The following CSMD1 variants were observed in gnomAD, a reference collection of about 807,000 sequenced individuals.
CSMD1 encodes CUB and sushi domain-containing protein 1.
Under a neutral mutation model 417.5 loss-of-function variants are expected in CSMD1, and 213 were observed. The ratio of observed to expected loss-of-function variants is 0.51; its 90% CI spans 0.46 to 0.57. CSMD1 has a LOEUF of 0.57. CSMD1 is among the 20% of genes least tolerant of loss of function. CSMD1 has a pLI of 0.00. For missense variants in CSMD1, 6,923 were observed against 4,529.7 expected (o/e 1.53, Z -15.17); for synonymous variants, 2,862 against 1,736.8 (o/e 1.65, Z -16.11).
At chr8:3,585,190 G>C (rs1046584696) in intron 9 of CSMD1, among the ~76,000 whole-genome samples, 2 of 152,178 alleles carry the variant, frequency 1.3e-5, no homozygotes, top group Admixed American at 6.5e-5. Context: ...TCTTAGCTTA[G>C]AGGACGATAG....
intron 10 of CSMD1, among the ~76,000 whole-genome samples, chr8:3,528,411 G>A (rs1797841967): frequency 6.6e-6 from 1 of 152,170 alleles, no homozygotes; most frequent in African/African-American, 2.4e-5. Flanking sequence ...GTGGGGGAAG[G>A]AGGATGGCTC....
At position 3,783,596 on chromosome 8, in the gene CSMD1, C is replaced by T. The variant is rs566018854; in HGVS notation, c.819-29554G>A. ...CAGGTGAGAGAGTTGGACACAGTAGCAAAGGCCTGAGAGGAAGCCCTGGAT... is the reference window on the plus strand; with the variant it reads ...CAGGTGAGAGAGTTGGACACAGTAGTAAAGGCCTGAGAGGAAGCCCTGGAT... On this transcript the variant is annotated intron_variant, in intron 5 of 69. Transcript: ENST00000635120. 2.0e-4 allele frequency among the ~76,000 whole-genome samples: 30 copies of T among 152,320 alleles called. No individual in the cohort carries two copies. In the South Asian group the frequency reaches 6.0e-3, roughly 31 times the overall value.
At chr8:3,366,397 CA>C (rs1809569155) in intron 20 of CSMD1, among the ~76,000 whole-genome samples, 1 of 152,130 alleles carries the variant, frequency 6.6e-6, no homozygotes, top group African/African-American at 2.4e-5. Context: ...AAAAAATTAG[CA>C]TCTCTGTCAT....
At chr8:3,114,770 G>T (rs1319298005) in intron 42 of CSMD1, among the ~76,000 whole-genome samples, 9 of 152,040 alleles carry the variant, frequency 5.9e-5, no homozygotes, top group Admixed American at 5.2e-4. Flanking sequence ...CAATCAGCTT[G>T]GTAAACCTTA....
At chr8:3,065,303 G>GGTAGA (rs1554503062) in intron 49 of CSMD1, among the ~76,000 whole-genome samples, 13 of 149,278 alleles carry the variant, frequency 8.7e-5, no homozygotes, top group Non-Finnish European at 1.2e-4. Context: ...AGATAGATAG[G>GGTAGA]TAGATAGATA....
rs527868962 is a variant in CSMD1, at chr8:4,320,795, G to C, written c.415+99158C>G. ...GGATTGGTGATTCCTCAAGGATCTA[G>C]AACTAGACCTACCATTTGACCCAAC... On this transcript the variant is annotated intron_variant, in intron 3 of 69. Coordinates refer to ENST00000635120, the MANE Select transcript of CSMD1 (RefSeq NM_033225.6). Among the ~76,000 whole-genome samples, 9 of 152,184 alleles carry C rather than the reference G, an allele frequency of 5.9e-5. No homozygotes were observed. The South Asian group carries it at 6.2e-4, about 11-fold the overall frequency.
intron 1 of CSMD1, among the ~76,000 whole-genome samples, chr8:4,882,390 T>C (rs185234414): frequency 1.3e-5 from 2 of 151,718 alleles, no homozygotes; most frequent in Non-Finnish European, 2.9e-5. Flanking sequence ...TGAAGAGTAT[T>C]GGGGAGCGAG....
At chr8:3,999,255 C>T (rs1188134153) in intron 4 of CSMD1, among the ~76,000 whole-genome samples, 1 of 151,862 alleles carries the variant, frequency 6.6e-6, no homozygotes, top group African/African-American at 2.4e-5. Context: ...ATGTAAAAGT[C>T]AGCCTGTTAC....
At chr8:4,190,900 A>T (rs574328239) in intron 3 of CSMD1, among the ~76,000 whole-genome samples, 1 of 151,514 alleles carries the variant, frequency 6.6e-6, no homozygotes, top group Non-Finnish European at 1.5e-5. Context: ...CTAAATTGTG[A>T]GAACACATGG....
intron 2 of CSMD1, among the ~76,000 whole-genome samples, chr8:4,541,496 C>G (rs1039906361): frequency 6.6e-6 from 1 of 152,050 alleles, no homozygotes; most frequent in South Asian, 2.1e-4. Flanking sequence ...ACCTGTAATC[C>G]CCACACTTTG....
At chr8:3,265,837 G>T (rs1025712000) in intron 26 of CSMD1, among the ~76,000 whole-genome samples, 7 of 152,042 alleles carry the variant, frequency 4.6e-5, no homozygotes, top group Non-Finnish European at 8.8e-5. Flanking sequence ...TGGAGACCTG[G>T]GTGATGCAGT....
intron 4 of CSMD1, among the ~76,000 whole-genome samples, chr8:4,001,820 G>C (rs1221516456): frequency 6.6e-6 from 1 of 152,026 alleles, no homozygotes; most frequent in Non-Finnish European, 1.5e-5. Context: ...TGTTGGGAAA[G>C]GAGTAGATGA....
intron 51 of CSMD1, among the ~76,000 whole-genome samples, chr8:3,021,110 T>C (rs592319): frequency 0.17 from 26,333 of 152,144 alleles, 2,437 homozygotes; most frequent in East Asian, 0.26. Context: ...CGAATTCTTC[T>C]TGGAGGTTTC....
At chr8:4,308,014 T>C (rs1201171475) in intron 3 of CSMD1, among the ~76,000 whole-genome samples, 1 of 152,136 alleles carries the variant, frequency 6.6e-6, no homozygotes, top group African/African-American at 2.4e-5. Context: ...ACAGTGATGG[T>C]GGGCATACTA....
chr8:3,954,968 C>G (rs1585028025), intron 5 of CSMD1, among the ~76,000 whole-genome samples: 2 of 152,182 alleles, frequency 1.3e-5, no homozygotes, highest in African/African-American at 4.8e-5. Flanking sequence ...GGTCTGCATT[C>G]AGTTAACATT....
intron 5 of CSMD1, among the ~76,000 whole-genome samples, chr8:3,767,884 T>G (rs149842579): frequency 2.0e-5 from 3 of 152,296 alleles, no homozygotes; most frequent in Admixed American, 2.0e-4. Context: ...TTATATATCA[T>G]GGTAAAAAGT....
chr8:4,238,731 C>T (rs1363382045), intron 3 of CSMD1, among the ~76,000 whole-genome samples: 2 of 152,182 alleles, frequency 1.3e-5, no homozygotes, highest in Non-Finnish European at 2.9e-5. Context: ...TTATCCTTCT[C>T]TTGCTTCCAA....
At chr8:3,670,096 G>T (rs979049317) in intron 7 of CSMD1, among the ~76,000 whole-genome samples, 1 of 152,076 alleles carries the variant, frequency 6.6e-6, no homozygotes, top group Non-Finnish European at 1.5e-5. Context: ...TGGATTAAAG[G>T]ATGCAAAGTG....
chr8:3,763,184 C>G (rs1016803791), intron 5 of CSMD1, among the ~76,000 whole-genome samples: 7 of 152,272 alleles, frequency 4.6e-5, no homozygotes, highest in African/African-American at 1.4e-4. Flanking sequence ...GAGCCCTAGG[C>G]CAGTCCCACA....
Sources: gnomAD v4.1 joint callset for allele counts (sites outside exome capture counted in the v4.1 genomes callset) on GRCh38, gnomAD v4.1.1 for gene constraint, MANE v1.5 for transcripts, NCBI Gene and HGNC (gene_info 2026-07-23, HGNC 2026-07-21) for gene names.